CERT1: variants seen among roughly 807,000 people sequenced by gnomAD.
The protein encoded by CERT1 is ceramide transfer protein.
Under a neutral mutation model 87.9 loss-of-function variants are expected in CERT1, and 31 were observed. The observed-to-expected ratio is 0.35, with a 90% CI of 0.27 to 0.48. CERT1 has a LOEUF of 0.48. CERT1 is among the 20% of genes least tolerant of loss of function. The pLI is 0.99. For synonymous variants in CERT1, 289 were observed against 250.9 expected (o/e 1.15, Z -1.44); for missense variants, 487 against 758.0 (o/e 0.64, Z 4.20).
intron 3 of CERT1, among the ~76,000 whole-genome samples, chr5:75,431,169 A>G (rs1169317483): frequency 6.6e-6 from 1 of 152,118 alleles, no homozygotes; most frequent in African/African-American, 2.4e-5. Flanking sequence ...CTAGGACGTG[A>G]GCTTAGTGCC....
intron 11 of CERT1, 135 bp from the exon 12 acceptor site, chr5:75,389,822 G>T: frequency 1.6e-6 from 1 of 635,386 alleles, no homozygotes; most frequent in South Asian, 1.9e-5. Flanking sequence ...AAGGTTAGTA[G>T]GTTTTACATA....
chr5:75,479,793 C>T (rs1317312381), intron 2 of CERT1, among the ~76,000 whole-genome samples: 4 of 152,026 alleles, frequency 2.6e-5, no homozygotes, highest in Non-Finnish European at 4.4e-5. Context: ...TTATATTCCT[C>T]TAGGTATATA....
At chr5:75,406,070 G>A (rs959477178) in intron 8 of CERT1, among the ~76,000 whole-genome samples, 1 of 152,170 alleles carries the variant, frequency 6.6e-6, no homozygotes, top group African/African-American at 2.4e-5. Context: ...TCCTACTGCA[G>A]GGAGAATGAC....
intron 2 of CERT1, among the ~76,000 whole-genome samples, chr5:75,494,540 G>C (rs1301856090): frequency 6.6e-6 from 1 of 152,114 alleles, no homozygotes; most frequent in Non-Finnish European, 1.5e-5. Context: ...TCTCTATAGA[G>C]GTCCAGTGTG....
At chr5:75,428,677 CAA>C (rs758851060) in intron 3 of CERT1, among the ~76,000 whole-genome samples, 11,341 of 98,060 alleles carry the variant, frequency 0.12, 484 homozygotes, top group South Asian at 0.23. Context: ...GACTCTGTCT[CAA>C]AAAAAAAAAA....
Position 75,400,221 on chromosome 5 carries a change from T to C in CERT1, c.1094A>G (p.His365Arg), listed in dbSNP as rs1351547312. 4 of 1,611,348 alleles carry C rather than the reference T, an allele frequency of 2.5e-6. No individual in the cohort carries two copies. The highest frequency in any genetic ancestry group is 3.4e-6 in the Non-Finnish European group (4 of 1,177,508). The change falls in exon 10 of 17, where the codon CAT becomes CGT. Residue 365 changes from histidine to arginine, a missense_variant. By Grantham distance (29) the His-to-Arg change is conservative. Coordinates refer to ENST00000643780, the MANE Select transcript of CERT1 (RefSeq NM_001379029.1). ...SGDAFSSVGT[H>R]RFVQKPYSRS... ...TTAGCTTACCTTTTGGACAAATCTA[T>C]GTGTCCCCACAGAAGAAAAGGCATC...
chr5:75,401,278 G>A (rs969538206), intron 9 of CERT1: 4 of 152,136 alleles, frequency 2.6e-5, no homozygotes, highest in East Asian at 1.9e-4. Flanking sequence ...TAAAGCTTAC[G>A]GAAGGGTTCA....
chr5:75,439,461 G>A (rs1429150251), intron 3 of CERT1, among the ~76,000 whole-genome samples: 1 of 151,986 alleles, frequency 6.6e-6, no homozygotes, highest in Non-Finnish European at 1.5e-5. Flanking sequence ...GAAATTGAGA[G>A]AGAAATTAAG....
chr5:75,395,229 G>A (rs1460998602), intron 11 of CERT1, among the ~76,000 whole-genome samples: 1 of 152,102 alleles, frequency 6.6e-6, no homozygotes, highest in Non-Finnish European at 1.5e-5. Context: ...TGTGAACTGT[G>A]TTATGCAAAT....
At chr5:75,401,584 G>A (rs1762473352) in intron 9 of CERT1, 1 of 152,142 alleles carries the variant, frequency 6.6e-6, no homozygotes, top group Admixed American at 6.5e-5. Context: ...GTTTCCAAAA[G>A]TAGAGCCCAT....
chr5:75,404,265 G>A, intron 8 of CERT1, among the ~76,000 whole-genome samples: 1 of 136,668 alleles, frequency 7.3e-6, no homozygotes. Flanking sequence ...GGGTTATGAG[G>A]ACTCAGTCCC....
At chr5:75,388,599 CATATATATATATATAT>C (rs59799780) in intron 12 of CERT1, among the ~76,000 whole-genome samples, 4,148 of 91,842 alleles carry the variant, frequency 0.045, 305 homozygotes, top group African/African-American at 0.13. Flanking sequence ...AGCATGCATG[CATATATATATATATAT>C]ATATATATAT....
intron 11 of CERT1, among the ~76,000 whole-genome samples, chr5:75,391,529 A>T (rs1249281693): frequency 6.6e-6 from 1 of 152,212 alleles, no homozygotes; most frequent in African/African-American, 2.4e-5. Flanking sequence ...GACATTCTAC[A>T]ATTTTACAAA....
chr5:75,501,909 T>G (rs1767390996), intron 2 of CERT1, among the ~76,000 whole-genome samples: 1 of 152,176 alleles, frequency 6.6e-6, no homozygotes, highest in East Asian at 1.9e-4. Flanking sequence ...AGAGATAGTC[T>G]TTGAGAGAGA....
chr5:75,385,288 C>A (rs1283390174), intron 13 of CERT1, among the ~76,000 whole-genome samples: 3 of 152,068 alleles, frequency 2.0e-5, no homozygotes, highest in African/African-American at 7.2e-5. Context: ...GCCTGACCAA[C>A]ACGGCAAAAC....
chr5:75,448,401 A>G (rs1034287607), intron 3 of CERT1, among the ~76,000 whole-genome samples: 2 of 152,174 alleles, frequency 1.3e-5, no homozygotes, highest in Non-Finnish European at 2.9e-5. Flanking sequence ...GCGGGATACT[A>G]ATTTACTTTG....
chr5:75,381,097 T>A lies in CERT1; in HGVS notation c.1722A>T (p.Leu574=). The A allele has an allele frequency of 1.2e-6, 2 of 1,614,128 alleles. No homozygotes were observed. Among genetic ancestry groups the A allele is most frequent in the Non-Finnish European group, 1.7e-6 (2 of 1,179,982 alleles). The change falls in exon 16 of 17, where the codon CTA becomes CTT. Residue 574 remains leucine (L), a synonymous_variant. Transcript: ENST00000643780. ...GNQEISRDNI[L]CKITYVANVN... ...CATTAGCTACATATGTAATCTTGCA[T>A]AGAATGTTGTCCCTGCTAATTTCCT... is the stretch of plus-strand genomic sequence containing the variant.
At chr5:75,503,361 G>A (rs944250852) in intron 2 of CERT1, among the ~76,000 whole-genome samples, 1 of 151,656 alleles carries the variant, frequency 6.6e-6, no homozygotes, top group Non-Finnish European at 1.5e-5. Context: ...AGTGACAATA[G>A]GCATAGCCCA....
chr5:75,511,109 C>G lies in CERT1; in HGVS notation c.96+3G>C, dbSNP rs1315421885. 1.3e-6 allele frequency: 2 copies of G among 1,556,614 alleles called. No individual in the cohort carries two copies. Among genetic ancestry groups the G allele is most frequent in the Non-Finnish European group, 1.7e-6 (2 of 1,151,298 alleles). On this transcript the variant is annotated splice_donor_region_variant and intron_variant, in intron 1 of 16. Coordinates refer to ENST00000643780, the MANE Select transcript of CERT1 (RefSeq NM_001379029.1). Reference sequence around the variant, plus strand: ...GGGTCCCTTGGCACCAGGGGTTGCTCACCTTACTGAGGACCCCGCAGCGCT... The same window carrying G: ...GGGTCCCTTGGCACCAGGGGTTGCTGACCTTACTGAGGACCCCGCAGCGCT...
Sources: gnomAD v4.1 joint callset for allele counts (sites outside exome capture counted in the v4.1 genomes callset) on GRCh38, gnomAD v4.1.1 for gene constraint, MANE v1.5 for transcripts, NCBI Gene and HGNC (gene_info 2026-07-23, HGNC 2026-07-21) for gene names.